The following GTSE1 variants were observed in gnomAD, a reference collection of about 807,000 sequenced individuals.
The protein encoded by GTSE1 is G2 and S-phase expressed 1.
A neutral mutation model predicts 60.5 loss-of-function variants in GTSE1; 52 were observed. The observed-to-expected ratio is 0.86, with a 90% confidence interval of 0.69 to 1.08. GTSE1 has a LOEUF of 1.08. Ranked by LOEUF, GTSE1 falls within the 50% of genes least tolerant of loss-of-function variation. The pLI is 0.00. For missense variants in GTSE1, 937 were observed against 961.8 expected, an observed-to-expected ratio of 0.97 and a Z score of 0.34; for synonymous variants, 368 against 386.5, an observed-to-expected ratio of 0.95 and a Z score of 0.56.
chr22:46,305,910 A>G (rs899260287), intron 2 of GTSE1, among the ~76,000 whole-genome samples: 5 of 152,146 alleles, frequency 3.3e-5, no homozygotes, highest in African/African-American at 1.2e-4. Context: ...CCATCTCAAA[A>G]AAAAAAGAAT....
chr22:46,330,649 G>A lies in GTSE1; in HGVS notation c.*519G>A, dbSNP rs558071522. On this transcript the variant is annotated 3_prime_UTR_variant, in exon 12 of 12. Transcript: ENST00000454366. This position sits in a 1 kb window ranked among gnomAD's most constrained non-coding sequence, Gnocchi z 6.0. Reference sequence around the variant, plus strand: ...GCCACCCTCCTCGCTGCCATTCTCTGGGCTGGAATGTGAAGCCTCAGTCAC... The same window carrying A: ...GCCACCCTCCTCGCTGCCATTCTCTAGGCTGGAATGTGAAGCCTCAGTCAC... The A allele has an allele frequency of 4.6e-5, 7 of 152,546 alleles. No homozygotes were observed. The highest frequency in any genetic ancestry group is 7.3e-5 in the Non-Finnish European group (5 of 68,096). 9.4% of individuals were successfully genotyped at this position (152,546 alleles called of 1,614,324 possible). A position where few individuals can be genotyped will look rare whatever the true frequency, so the allele number is the denominator to read the frequency against.
At position 46,313,272 on chromosome 22, in the gene GTSE1, A is replaced by G. The variant is rs1427210071; in HGVS notation, c.928-618A>G. 6.6e-6 allele frequency among the ~76,000 whole-genome samples: 1 copy of G among 151,954 alleles called. No individual in the cohort carries two copies. Among genetic ancestry groups the G allele is most frequent in the Non-Finnish European group, 1.5e-5 (1 of 67,994 alleles). On this transcript the variant is annotated intron_variant, in intron 5 of 11. Transcript: ENST00000454366. This position sits in a 1 kb window ranked among gnomAD's most constrained non-coding sequence, Gnocchi z 4.4. ...ACTTATTTTCTGGCATTGGCGGTAA[A>G]CCAAGCTGTGTGTACTGGCAGTTCT...
Position 46,329,275 on chromosome 22 carries a change from G to A in GTSE1, c.1927-83G>A, listed in dbSNP as rs143566796. 2,550 of 1,179,290 alleles carry A rather than the reference G, an allele frequency of 2.2e-3. 7 individuals carry two copies. Among genetic ancestry groups the A allele is most frequent in the Non-Finnish European group, 2.6e-3 (2,096 of 792,400 alleles). 73.1% of individuals were successfully genotyped at this position (1,179,290 alleles called of 1,614,324 possible). Reference sequence around the variant, plus strand: ...GCTTTCCAAACCGCCAGCCCACCTGGAACATGAGCAAAGCTCACATTCTCC... The same window carrying A: ...GCTTTCCAAACCGCCAGCCCACCTGAAACATGAGCAAAGCTCACATTCTCC... On this transcript the variant is annotated intron_variant, in intron 10 of 11. Transcript: ENST00000454366. The surrounding 1 kb of genome is among the most constrained non-coding windows in gnomAD (Gnocchi z 6.4).
In GTSE1 at chr22:46,313,266, C is replaced by A. The variant is rs8139096; in HGVS notation, c.928-624C>A. Reference sequence around the variant, plus strand: ...TTTGCCACTTATTTTCTGGCATTGGCGGTAAACCAAGCTGTGTGTACTGGC... The same window carrying A: ...TTTGCCACTTATTTTCTGGCATTGGAGGTAAACCAAGCTGTGTGTACTGGC... On this transcript the variant is annotated intron_variant, in intron 5 of 11. Coordinates refer to ENST00000454366, the MANE Select transcript of GTSE1 (RefSeq NM_016426.7). The surrounding 1 kb of genome is among the most constrained non-coding windows in gnomAD (Gnocchi z 4.4). Among the ~76,000 whole-genome samples, 1,388 of 151,600 alleles carry A rather than the reference C, an allele frequency of 9.2e-3. 23 individuals carry two copies. The highest frequency in any genetic ancestry group is 0.032 in the African/African-American group (1,311 of 41,346).
Position 46,330,381 on chromosome 22 carries a change from C to G in GTSE1, c.*251C>G, listed in dbSNP as rs889553808. 6 of 391,642 alleles carry G rather than the reference C, an allele frequency of 1.5e-5. No homozygotes were observed. In the Admixed American group the frequency reaches 1.6e-4, roughly 10 times the overall value. The allele number at this position is 391,642 out of a possible 1,614,324, so 24.3% of individuals were successfully genotyped here. ...CCTGTAGTCCCAGCTACTTGGGAGG[C>G]TGAAGTGGGAGGATGGCCTGAGCTC... On this transcript the variant is annotated 3_prime_UTR_variant, in exon 12 of 12. Transcript: ENST00000454366. This position sits in a 1 kb window ranked among gnomAD's most constrained non-coding sequence, Gnocchi z 6.0.
Position 46,313,979 on chromosome 22 carries a change from A to G in GTSE1, c.1017A>G (p.Ala339=). Residue 339 remains alanine (A), a synonymous_variant, in exon 6 of 12, where the codon GCA becomes GCG. Coordinates refer to ENST00000454366, the MANE Select transcript of GTSE1 (RefSeq NM_016426.7). This position sits in a 1 kb window ranked among gnomAD's most constrained non-coding sequence, Gnocchi z 4.4. ...KSSSGPVWSG[A]SSACTSPAVG... is the part of the protein sequence containing the mutation. ...CCTCGGGGCCTGTTTGGAGCGGGGC[A>G]TCCAGTGCGTGCACATCCCCAGCAG... 1 of 1,614,224 alleles carries G rather than the reference A, an allele frequency of 6.2e-7. No individual in the cohort carries two copies. The highest frequency in any genetic ancestry group is 8.5e-7 in the Non-Finnish European group (1 of 1,180,014).
At chr22:46,323,045 G>T (rs1395550490) in intron 7 of GTSE1, 145 bp from the exon 8 acceptor site, 1 of 689,952 alleles carries the variant, frequency 1.4e-6, no homozygotes, top group Non-Finnish European at 2.7e-6. Flanking sequence ...GTGGCCCTTT[G>T]TGTACTTGTC....
chr22:46,323,561 C>T (rs1022073229), intron 8 of GTSE1, among the ~76,000 whole-genome samples: 7 of 152,206 alleles, frequency 4.6e-5, no homozygotes, highest in Admixed American at 6.5e-5. Context: ...CGTGCCCAGC[C>T]CACCCCAGGG....
chr22:46,301,935 C>A (rs1227421474), intron 2 of GTSE1, among the ~76,000 whole-genome samples: 1 of 152,082 alleles, frequency 6.6e-6, no homozygotes, highest in Non-Finnish European at 1.5e-5. Context: ...TCCAGACCAG[C>A]CTGACCAACA....
chr22:46,297,599 AAAC>A lies in GTSE1; in HGVS notation c.79+122_79+124del. 1.4e-6 allele frequency: 1 copy of A among 699,376 alleles called. No homozygotes were observed. Among genetic ancestry groups the A allele is most frequent in the South Asian group, 1.8e-5 (1 of 56,932 alleles). 43.3% of individuals were successfully genotyped at this position (699,376 alleles called of 1,614,324 possible). On this transcript the variant is annotated intron_variant, in intron 2 of 11. Transcript: ENST00000454366. The surrounding 1 kb of genome is among the most constrained non-coding windows in gnomAD (Gnocchi z 4.9). ...GCTCGACTTGTACTCTGCACCTGTGAAACACATGACATCTGCCTTCGTTTTCTG... is the reference window on the plus strand; with the variant it reads ...GCTCGACTTGTACTCTGCACCTGTGAACATGACATCTGCCTTCGTTTTCTG...
chr22:46,312,257 C>T lies in GTSE1; in HGVS notation c.879C>T (p.Ala293=), dbSNP rs376681847. The change falls in exon 5 of 12, where the codon GCC becomes GCT. Residue 293 remains alanine (A), a synonymous_variant. Transcript: ENST00000454366. ...CGGGTGCTGTCAATGTGCCGGCCGC[C>T]GGAAGCCACTTGGGCCAGGGCAAGC... ...PAPGAVNVPA[A]GSHLGQGKRA... 88 of 1,613,912 alleles carry T rather than the reference C, an allele frequency of 5.5e-5. No individual in the cohort carries two copies. The highest frequency in any genetic ancestry group is 6.8e-5 in the Non-Finnish European group (80 of 1,179,980).
chr22:46,325,405 C>T (rs1237836233), intron 8 of GTSE1, among the ~76,000 whole-genome samples: 1 of 152,168 alleles, frequency 6.6e-6, no homozygotes, highest in Admixed American at 6.5e-5. Flanking sequence ...ACCGTGTTAG[C>T]CAGGATGGTC....
intron 2 of GTSE1, among the ~76,000 whole-genome samples, chr22:46,299,369 C>T (rs1286895003): frequency 6.6e-6 from 1 of 152,250 alleles, no homozygotes; most frequent in Non-Finnish European, 1.5e-5. Flanking sequence ...CTCCTCCGAG[C>T]TCTGGGCTTG....
In GTSE1 at chr22:46,297,327, G is replaced by A. The variant is rs1352935745; in HGVS notation, c.-21-53G>A. The A allele has an allele frequency of 3.8e-6, 4 of 1,044,892 alleles. No individual in the cohort carries two copies. Among genetic ancestry groups the A allele is most frequent in the Non-Finnish European group, 6.0e-6 (4 of 665,266 alleles). The allele number at this position is 1,044,892 out of a possible 1,614,324, so 64.7% of individuals were successfully genotyped here. On this transcript the variant is annotated intron_variant, in intron 1 of 11. Transcript: ENST00000454366. The surrounding 1 kb of genome is among the most constrained non-coding windows in gnomAD (Gnocchi z 4.9). ...TGTGAGCCGAGGGCTGAAGGAAGCC[G>A]GAGCCCTGGGCCCTGACACGTACTC...
intron 2 of GTSE1, among the ~76,000 whole-genome samples, chr22:46,298,087 C>T (rs1344840886): frequency 6.6e-6 from 1 of 151,930 alleles, no homozygotes; most frequent in Non-Finnish European, 1.5e-5. Flanking sequence ...CTCAGCCTCC[C>T]TAGTAACTGG....
intron 4 of GTSE1, among the ~76,000 whole-genome samples, chr22:46,311,279 T>C (rs1268549678): frequency 6.6e-6 from 1 of 152,108 alleles, no homozygotes; most frequent in African/African-American, 2.4e-5. Context: ...GGTTTCATCA[T>C]ATTAGTCAGG....
chr22:46,302,781 T>G (rs1185775650), intron 2 of GTSE1, among the ~76,000 whole-genome samples: 1 of 152,126 alleles, frequency 6.6e-6, no homozygotes, highest in African/African-American at 2.4e-5. Context: ...TTCCATTAAG[T>G]CCTTGATTTG....
At chr22:46,305,779 C>T (rs766108988) in intron 2 of GTSE1, among the ~76,000 whole-genome samples, 14 of 145,380 alleles carry the variant, frequency 9.6e-5, no homozygotes, top group East Asian at 6.3e-4. Context: ...TGGTGGCGCG[C>T]GCCTGTAATC....
rs2077791821 is a variant in GTSE1, at chr22:46,318,145, G to T, written c.1432+1733G>T. On this transcript the variant is annotated intron_variant, in intron 7 of 11. Transcript: ENST00000454366. The surrounding 1 kb of genome is among the most constrained non-coding windows in gnomAD (Gnocchi z 4.8). ...CCCAGCAGGTGTCTGGCCATTAGTG[G>T]GTGGGTGTTTGTAAAGTTTTCATGA... 6.6e-6 allele frequency among the ~76,000 whole-genome samples: 1 copy of T among 152,250 alleles called. No individual in the cohort carries two copies. The highest frequency in any genetic ancestry group is 2.1e-4 in the South Asian group (1 of 4,834).
Sources: allele counts gnomAD v4.1 joint callset (sites outside exome capture counted in the v4.1 genomes callset), GRCh38; gene constraint gnomAD v4.1.1; non-coding constraint Gnocchi (gnomAD v3.1); transcripts MANE v1.5; gene names NCBI Gene and HGNC (gene_info 2026-07-23, HGNC 2026-07-21).